HOMER2: variants seen among roughly 807,000 people sequenced by gnomAD.
HOMER2 encodes homer scaffold protein 2.
A neutral mutation model predicts 47.0 loss-of-function variants in HOMER2; 27 were observed. That is an observed-to-expected ratio of 0.57 (90% CI 0.42 to 0.79). HOMER2 has a LOEUF of 0.79. HOMER2 is among the 30% of genes least tolerant of loss of function. HOMER2 has a pLI of 0.00. For synonymous variants in HOMER2, 161 were observed against 163.8 expected, an observed-to-expected ratio of 0.98 and a Z score of 0.13; for missense variants, 443 against 435.0, an observed-to-expected ratio of 1.02 and a Z score of -0.16.
chr15:82,852,992 G>A (rs1190688292), intron 6 of HOMER2, among the ~76,000 whole-genome samples: 2 of 152,366 alleles, frequency 1.3e-5, no homozygotes, highest in Admixed American at 6.5e-5. Context: ...AGAGTGGACA[G>A]CAGGCGTGGA....
exon 2 of HOMER2, chr15:82,958,322 G>A (rs532035134): frequency 1.3e-5 from 2 of 152,334 alleles, no homozygotes; most frequent in African/African-American, 4.8e-5. Flanking sequence ...GTCCAGCAAC[G>A]AGACCAGCAC....
chr15:82,915,328 A>C, intron 1 of HOMER2, among the ~76,000 whole-genome samples: 1 of 152,040 alleles, frequency 6.6e-6, no homozygotes, highest in East Asian at 1.9e-4. Context: ...CTGGAAAAAA[A>C]CCCCACTGTC....
intron 1 of HOMER2, among the ~76,000 whole-genome samples, chr15:82,934,424 A>T (rs2054092350): frequency 6.6e-6 from 1 of 151,994 alleles, no homozygotes; most frequent in Admixed American, 6.6e-5. Context: ...CCTCACCCAC[A>T]GCCATACCCT....
exon 2 of HOMER2, chr15:82,838,729 C>T (rs530284688): frequency 6.6e-6 from 1 of 152,236 alleles, no homozygotes; most frequent in Non-Finnish European, 1.5e-5. Flanking sequence ...AAAGGACTCT[C>T]CTCTGGAGAA....
intron 2 of HOMER2, among the ~76,000 whole-genome samples, chr15:82,880,300 GAA>G (rs956031337): frequency 1.3e-5 from 2 of 152,214 alleles, no homozygotes; most frequent in African/African-American, 4.8e-5. Context: ...GACCCTTAGA[GAA>G]AAAGTTTGCC....
intron 1 of HOMER2, among the ~76,000 whole-genome samples, chr15:82,915,555 C>CAAAA (rs551215044): frequency 5.2e-4 from 79 of 151,974 alleles, no homozygotes; most frequent in African/African-American, 1.9e-3. Context: ...AACAAACAAA[C>CAAAA]AAACAAAATT....
chr15:82,893,024 T>G (rs1020605552), intron 1 of HOMER2, among the ~76,000 whole-genome samples, 183 bp from the exon 2 acceptor site: 1 of 152,230 alleles, frequency 6.6e-6, no homozygotes, highest in African/African-American at 2.4e-5. Context: ...GAGTAGTTTT[T>G]GCAAACCACA....
intron 2 of HOMER2, among the ~76,000 whole-genome samples, chr15:82,878,400 T>C (rs1382650441): frequency 1.3e-5 from 2 of 152,204 alleles, no homozygotes; most frequent in Non-Finnish European, 2.9e-5. Context: ...TTCAAGGTCA[T>C]AAAACTAATA....
intron 3 of HOMER2, among the ~76,000 whole-genome samples, chr15:82,864,876 A>G (rs2051914264): frequency 6.6e-6 from 1 of 152,252 alleles, no homozygotes; most frequent in East Asian, 1.9e-4. Flanking sequence ...AATTTTAATT[A>G]GCAAATTCAT....
chr15:82,914,433 T>C (rs2053531250), intron 1 of HOMER2, among the ~76,000 whole-genome samples: 1 of 150,192 alleles, frequency 6.7e-6, no homozygotes, highest in Non-Finnish European at 1.5e-5. Context: ...TGGATGAACT[T>C]TGGAAATATG....
chr15:82,936,742 T>G (rs1163322160), intron 1 of HOMER2, among the ~76,000 whole-genome samples: 3 of 151,444 alleles, frequency 2.0e-5, no homozygotes, highest in East Asian at 3.9e-4. Flanking sequence ...CTAGCTAATT[T>G]TTGTATTTTT....
chr15:82,882,562 G>A (rs1322531429), intron 2 of HOMER2, among the ~76,000 whole-genome samples: 1 of 152,212 alleles, frequency 6.6e-6, no homozygotes, highest in Non-Finnish European at 1.5e-5. Context: ...CATTGTCCCG[G>A]GGAAGAAGGA....
chr15:82,933,466 C>T (rs1416821983), intron 1 of HOMER2, among the ~76,000 whole-genome samples: 2 of 152,266 alleles, frequency 1.3e-5, no homozygotes, highest in African/African-American at 2.4e-5. Context: ...AGGCTGATCT[C>T]GAACTTGTGG....
intron 1 of HOMER2, among the ~76,000 whole-genome samples, chr15:82,909,379 G>C (rs1432587690): frequency 1.3e-5 from 2 of 152,180 alleles, no homozygotes; most frequent in Non-Finnish European, 2.9e-5. Context: ...TCTTTCCCCT[G>C]TTGGCTAGGG....
chr15:82,951,925 A>T, intron 1 of HOMER2: 1 of 357,516 alleles, frequency 2.8e-6, no homozygotes, highest in Non-Finnish European at 3.9e-6. Flanking sequence ...TACTTTATAT[A>T]CTCAGAAGCA....
chr15:82,942,962 C>G (rs2054296909), intron 1 of HOMER2, among the ~76,000 whole-genome samples: 1 of 152,148 alleles, frequency 6.6e-6, no homozygotes, highest in Non-Finnish European at 1.5e-5. Flanking sequence ...GTCTGGAAGG[C>G]AGCCACACAG....
chr15:82,848,420 A>G (rs1596297506), downstream of HOMER2, among the ~76,000 whole-genome samples: 1 of 152,186 alleles, frequency 6.6e-6, no homozygotes. Flanking sequence ...TTATTGCCAC[A>G]CACGGGCAAT....
chr15:82,947,460 G>C (rs951578517), intron 1 of HOMER2, among the ~76,000 whole-genome samples: 11 of 152,194 alleles, frequency 7.2e-5, no homozygotes, highest in African/African-American at 2.7e-4. Flanking sequence ...CAGTAATACA[G>C]TAGATCTTAT....
upstream of HOMER2, among the ~76,000 whole-genome samples, chr15:82,954,381 C>A (rs1185337073): frequency 1.3e-5 from 2 of 151,560 alleles, no homozygotes; most frequent in Non-Finnish European, 2.9e-5. Flanking sequence ...CACTGCAACC[C>A]CCACCTCCCA....
Sources: gnomAD v4.1 joint callset for allele counts (sites outside exome capture counted in the v4.1 genomes callset) on GRCh38, gnomAD v4.1.1 for gene constraint, MANE v1.5 for transcripts, NCBI Gene and HGNC (gene_info 2026-07-23, HGNC 2026-07-21) for gene names.